MCMDC2: variants seen among roughly 807,000 people sequenced by gnomAD.
MCMDC2 encodes minichromosome maintenance domain-containing protein 2.
A neutral mutation model predicts 75.8 loss-of-function variants in MCMDC2; 54 were observed. That is an observed-to-expected ratio of 0.71 (90% confidence interval 0.57 to 0.89). The LOEUF (loss-of-function observed/expected upper bound fraction) is 0.89, where lower values mean the gene tolerates loss of function less well. Ranked by LOEUF, MCMDC2 falls within the 40% of genes least tolerant of loss-of-function variation. The pLI is 0.00. For synonymous variants in MCMDC2, 249 were observed against 274.6 expected, an observed-to-expected ratio of 0.91 and a Z score of 0.92; for missense variants, 656 against 780.4, an observed-to-expected ratio of 0.84 and a Z score of 1.90.
Position 66,906,375 on chromosome 8 carries a change from T to A in MCMDC2, c.1879+1040T>A, listed in dbSNP as rs534619234. On this transcript the variant is annotated intron_variant, in intron 14 of 14. Coordinates refer to ENST00000422365, the MANE Select transcript of MCMDC2 (RefSeq NM_173518.5). ...ATATTGTAATACCTGTTTGCAGAGA[T>A]CCATTCGAATATTAGAACTTTGTTC... is the stretch of plus-strand genomic sequence containing the variant. 1.9e-4 allele frequency among the ~76,000 whole-genome samples: 29 copies of A among 152,336 alleles called. 1 individual carries two copies. In the South Asian group the frequency reaches 6.0e-3, roughly 32 times the overall value.
intron 14 of MCMDC2, among the ~76,000 whole-genome samples, chr8:66,907,384 T>C (rs549972173): frequency 1.1e-4 from 16 of 152,224 alleles, no homozygotes; most frequent in Non-Finnish European, 2.1e-4. Flanking sequence ...GCTTCATCCA[T>C]GTCCCTGCAA....
chr8:66,915,952 T>A (rs1813300170), intron 14 of MCMDC2, among the ~76,000 whole-genome samples: 1 of 152,140 alleles, frequency 6.6e-6, no homozygotes, highest in Admixed American at 6.5e-5. Context: ...GTCAACTGAA[T>A]CACATGCTAC....
chr8:66,897,564 G>A (rs370581926), intron 12 of MCMDC2, among the ~76,000 whole-genome samples: 3 of 151,940 alleles, frequency 2.0e-5, no homozygotes, highest in Admixed American at 2.0e-4. Flanking sequence ...GAATCTCAAC[G>A]AAAGAAAACC....
intron 12 of MCMDC2, among the ~76,000 whole-genome samples, chr8:66,897,429 GA>G (rs1329853990): frequency 1.3e-5 from 2 of 148,786 alleles, no homozygotes; most frequent in Non-Finnish European, 3.0e-5. Context: ...AAGAAAAAAA[GA>G]AAAAAGAAAG....
chr8:66,922,327 A>G (rs994340096), downstream of MCMDC2: 7 of 297,586 alleles, frequency 2.4e-5, no homozygotes, highest in African/African-American at 1.3e-4. Flanking sequence ...CACTTACTTG[A>G]GGTAACGAAG....
intron 13 of MCMDC2, chr8:66,901,700 G>C (rs1228646360): frequency 1.1e-6 from 1 of 924,128 alleles, no homozygotes; most frequent in East Asian, 1.1e-4. Context: ...GGGAGTCCGA[G>C]AGGGCAGATT....
chr8:66,888,662 T>C (rs1811954670), intron 9 of MCMDC2, among the ~76,000 whole-genome samples: 1 of 152,234 alleles, frequency 6.6e-6, no homozygotes, highest in Non-Finnish European at 1.5e-5. Flanking sequence ...TCATTTTCAA[T>C]TGTTTGCTAT....
intron 13 of MCMDC2, among the ~76,000 whole-genome samples, chr8:66,902,163 T>C (rs1449451896): frequency 1.3e-5 from 2 of 151,672 alleles, no homozygotes; most frequent in Non-Finnish European, 2.9e-5. Context: ...ACCTCATCTG[T>C]ATTTAAAACA....
chr8:66,901,451 C>T (rs758178765), intron 13 of MCMDC2, 103 bp downstream of exon 13: 9 of 1,484,324 alleles, frequency 6.1e-6, no homozygotes, highest in African/African-American at 1.4e-5. Context: ...TGCTTGATTG[C>T]TAGTTGGTTG....
intron 5 of MCMDC2, among the ~76,000 whole-genome samples, chr8:66,878,168 C>T (rs1160445780): frequency 1.3e-5 from 2 of 152,174 alleles, no homozygotes; most frequent in African/African-American, 4.8e-5. Context: ...AGTCCTTCTG[C>T]AGGACTTCAA....
chr8:66,911,580 T>C (rs909153602), intron 14 of MCMDC2, among the ~76,000 whole-genome samples: 2 of 151,206 alleles, frequency 1.3e-5, no homozygotes, highest in African/African-American at 4.9e-5. Context: ...TCCTAAAACT[T>C]TGGGGGTCCG....
In MCMDC2 at chr8:66,896,190, A is replaced by C. The variant is rs775724366; in HGVS notation, c.1300A>C (p.Thr434Pro). 1.2e-6 allele frequency: 2 copies of C among 1,609,360 alleles called. No individual in the cohort carries two copies. The highest frequency in any genetic ancestry group is 1.7e-6 in the Non-Finnish European group (2 of 1,179,216). Residue 434 changes from threonine (T) to proline (P), a missense_variant, in exon 11 of 15, where the codon ACA becomes CCA. Thr to Pro is a conservative substitution (Grantham distance 38, BLOSUM62 -1). Transcript: ENST00000422365. The part of the protein sequence containing the change: ...LQTVLESRSI[T>P]VYIPGKKFGE... The stretch of plus-strand genomic sequence containing the variant: ...CTTAGTTCTGGAGAGCAGAAGCATC[A>C]CAGTGTACATCCCAGGAAAGAAGTT...
rs997430254 is a variant in MCMDC2, at chr8:66,877,293, T to C, written c.286-56T>C. On this transcript the variant is annotated intron_variant, in intron 4 of 14. Transcript: ENST00000422365. ...TTATAATATACTTACTATATTGTAA[T>C]ACAAGTCAAATTGGATTTGCAATTT... 4.4e-6 allele frequency: 5 copies of C among 1,138,672 alleles called. No homozygotes were observed. The Admixed American group carries it at 9.2e-5, about 21-fold the overall frequency. The allele number at this position is 1,138,672 out of a possible 1,614,324, so 70.5% of individuals were successfully genotyped here. A position where few individuals can be genotyped will look rare whatever the true frequency, so the allele number is the denominator to read the frequency against.
intron 10 of MCMDC2, among the ~76,000 whole-genome samples, chr8:66,894,606 C>T (rs911030908): frequency 1.3e-5 from 2 of 151,858 alleles, no homozygotes; most frequent in Non-Finnish European, 2.9e-5. Flanking sequence ...AGGTAAATGC[C>T]CATATATTTG....
chr8:66,873,074 C>T (rs1229615950), intron 1 of MCMDC2, among the ~76,000 whole-genome samples: 1 of 151,700 alleles, frequency 6.6e-6, no homozygotes, highest in East Asian at 1.9e-4. Context: ...CAATCTTAAT[C>T]ATTTTATTTT....
At chr8:66,895,324 G>C (rs1314873500) in intron 10 of MCMDC2, among the ~76,000 whole-genome samples, 2 of 151,826 alleles carry the variant, frequency 1.3e-5, no homozygotes, top group Non-Finnish European at 2.9e-5. Flanking sequence ...CAAATGATAT[G>C]TGGTCCTCCG....
intron 1 of MCMDC2, among the ~76,000 whole-genome samples, chr8:66,871,343 T>G (rs1291666124): frequency 6.6e-6 from 1 of 152,104 alleles, no homozygotes; most frequent in Non-Finnish European, 1.5e-5. Context: ...ACACTTCTCC[T>G]TGGGCTCTGT....
At chr8:66,905,479 T>A in intron 14 of MCMDC2, 144 bp downstream of exon 14, 2 of 707,032 alleles carry the variant, frequency 2.8e-6, no homozygotes, top group Non-Finnish European at 3.9e-6. Flanking sequence ...AGGCCTGTTT[T>A]AATTTGGGCA....
downstream of MCMDC2, among the ~76,000 whole-genome samples, chr8:66,922,933 A>T (rs1476412967): frequency 6.6e-6 from 1 of 152,198 alleles, no homozygotes; most frequent in Non-Finnish European, 1.5e-5. Flanking sequence ...GTACTGACAA[A>T]CCCAAACCTC....
Sources: gnomAD v4.1 joint callset for allele counts (sites outside exome capture counted in the v4.1 genomes callset) on GRCh38, gnomAD v4.1.1 for gene constraint, MANE v1.5 for transcripts, NCBI Gene and HGNC (gene_info 2026-07-23, HGNC 2026-07-21) for gene names.